NREP: variants seen among roughly 807,000 people sequenced by gnomAD.
NREP encodes neuronal regeneration-related protein.
In NREP, 5 loss-of-function variants were observed where a neutral mutation model predicts 8.6. The ratio of observed to expected loss-of-function variants is 0.58; its 90% CI spans 0.30 to 1.22. The LOEUF (loss-of-function observed/expected upper bound fraction) is 1.22. Among genes scored for constraint, NREP ranks in the 50% most tolerant of loss-of-function variants. NREP has a pLI of 0.07. For synonymous variants in NREP, 27 were observed against 28.0 expected, an observed-to-expected ratio of 0.96 and a Z score of 0.11; for missense variants, 86 against 82.5, an observed-to-expected ratio of 1.04 and a Z score of -0.17.
intron 2 of NREP, among the ~76,000 whole-genome samples, chr5:111,824,888 G>A (rs951994507): frequency 6.6e-6 from 1 of 152,178 alleles, no homozygotes; most frequent in Non-Finnish European, 1.5e-5. Context: ...AAGCAAAACA[G>A]GAGTAAGACA....
intron 1 of NREP, among the ~76,000 whole-genome samples, chr5:111,976,422 C>G (rs1488823168): frequency 1.3e-5 from 2 of 152,224 alleles, no homozygotes; most frequent in African/African-American, 4.8e-5. Flanking sequence ...ACCCCAAAAG[C>G]TGAGGCTCAG....
chr5:111,744,605 T>C (rs1225912859), intron 2 of NREP, among the ~76,000 whole-genome samples: 2 of 152,106 alleles, frequency 1.3e-5, no homozygotes, highest in East Asian at 3.9e-4. Flanking sequence ...TCAACCCCTC[T>C]GGGTGGAGCC....
intron 2 of NREP, among the ~76,000 whole-genome samples, chr5:111,773,129 G>T (rs1751275349): frequency 6.6e-6 from 1 of 151,934 alleles, no homozygotes; most frequent in African/African-American, 2.4e-5. Flanking sequence ...TCAATTCTCT[G>T]AGCCTTTTTT....
At chr5:111,826,895 T>C (rs1240237895) in intron 2 of NREP, among the ~76,000 whole-genome samples, 1 of 152,168 alleles carries the variant, frequency 6.6e-6, no homozygotes, top group South Asian at 2.1e-4. Flanking sequence ...GAAAGAGGGT[T>C]GGAATGGGTA....
At chr5:111,904,863 A>C (rs1754740240) in intron 2 of NREP, among the ~76,000 whole-genome samples, 1 of 152,110 alleles carries the variant, frequency 6.6e-6, no homozygotes, top group East Asian at 1.9e-4. Flanking sequence ...CAGACCCTTC[A>C]CGAGACAGTA....
chr5:111,918,296 G>A (rs1314883623), intron 2 of NREP, among the ~76,000 whole-genome samples: 4 of 152,096 alleles, frequency 2.6e-5, no homozygotes, highest in Non-Finnish European at 5.9e-5. Flanking sequence ...ATAATTTATA[G>A]ATTCAATGCT....
At chr5:111,747,409 T>C (rs911038907) in intron 2 of NREP, among the ~76,000 whole-genome samples, 1 of 152,202 alleles carries the variant, frequency 6.6e-6, no homozygotes, top group African/African-American at 2.4e-5. Flanking sequence ...TGTAGTACTT[T>C]TCCCTGCTGG....
intron 2 of NREP, among the ~76,000 whole-genome samples, chr5:111,747,693 A>C (rs1581069009): frequency 6.6e-6 from 1 of 152,116 alleles, no homozygotes; most frequent in East Asian, 1.9e-4. Context: ...TTTCAGTGAA[A>C]AGGGGCAGAC....
chr5:111,756,838 CAAG>C (rs1750744851), intron 1 of NREP, among the ~76,000 whole-genome samples: 3 of 152,156 alleles, frequency 2.0e-5, no homozygotes, highest in Admixed American at 6.5e-5. Context: ...GCTTTAGGAG[CAAG>C]AAGAACAAAA....
chr5:111,843,116 T>C (rs1026078048), intron 2 of NREP, among the ~76,000 whole-genome samples: 8 of 152,108 alleles, frequency 5.3e-5, no homozygotes, highest in Non-Finnish European at 1.2e-4. Flanking sequence ...TTCTGTTATT[T>C]CTTTAAAATG....
intron 2 of NREP, among the ~76,000 whole-genome samples, chr5:111,871,348 A>T (rs574266315): frequency 3.3e-5 from 5 of 152,210 alleles, no homozygotes; most frequent in Admixed American, 1.3e-4. Flanking sequence ...TAAAAGATTT[A>T]AAAAATTGTA....
At chr5:111,734,243 G>A (rs1468427779) in intron 3 of NREP, 1 of 153,400 alleles carries the variant, frequency 6.5e-6, no homozygotes, top group Non-Finnish European at 1.5e-5. Flanking sequence ...CTAATGTGAA[G>A]GCCTCAGCTG....
intron 2 of NREP, among the ~76,000 whole-genome samples, chr5:111,950,664 A>G (rs565212299): frequency 6.6e-6 from 1 of 151,908 alleles, no homozygotes; most frequent in Admixed American, 6.5e-5. Context: ...AAGGTCTAAT[A>G]TCCAGTATCT....
chr5:111,803,186 C>G (rs1198742340), intron 2 of NREP, among the ~76,000 whole-genome samples: 1 of 152,092 alleles, frequency 6.6e-6, no homozygotes, highest in African/African-American at 2.4e-5. Flanking sequence ...CAGGTAAAGT[C>G]TGCTAATAGG....
chr5:111,875,357 T>TA (rs538841024), intron 2 of NREP, among the ~76,000 whole-genome samples: 11 of 151,882 alleles, frequency 7.2e-5, no homozygotes, highest in Admixed American at 3.3e-4. Flanking sequence ...ATCAATTAAT[T>TA]AAAAAAAACT....
rs574828420 is a variant in NREP at position 111,946,116 on chromosome 5, T to C, written c.135+29158A>G. 4.7e-5 allele frequency among the ~76,000 whole-genome samples: 7 copies of C among 147,754 alleles called. 1 individual carries two copies. In the South Asian group the frequency reaches 1.5e-3, roughly 31 times the overall value. On this transcript the variant is annotated intron_variant, in intron 2 of 3. Transcript: ENST00000395634. ...CACACACACACATAAGAAAATAAATTTGAACGAGCTAGTGAGCAGGATAAT... is the reference window on the plus strand; with the variant it reads ...CACACACACACATAAGAAAATAAATCTGAACGAGCTAGTGAGCAGGATAAT...
chr5:111,858,798 A>G (rs1252792339), intron 2 of NREP, among the ~76,000 whole-genome samples: 1 of 152,194 alleles, frequency 6.6e-6, no homozygotes, highest in East Asian at 1.9e-4. Flanking sequence ...CCATTTTTAA[A>G]CAAGATTCCT....
chr5:111,820,720 T>C (rs1752497213), intron 2 of NREP, among the ~76,000 whole-genome samples: 1 of 152,190 alleles, frequency 6.6e-6, no homozygotes, highest in Non-Finnish European at 1.5e-5. Context: ...GCCTTTATGG[T>C]TTCATTGGAG....
intron 2 of NREP, among the ~76,000 whole-genome samples, chr5:111,866,769 G>C (rs1753674379): frequency 6.6e-6 from 1 of 152,022 alleles, no homozygotes; most frequent in South Asian, 2.1e-4. Context: ...TGATAGACTG[G>C]ATTAAGAAAA....
Sources: gnomAD v4.1 joint callset for allele counts (sites outside exome capture counted in the v4.1 genomes callset) on GRCh38, gnomAD v4.1.1 for gene constraint, MANE v1.5 for transcripts, NCBI Gene and HGNC (gene_info 2026-07-23, HGNC 2026-07-21) for gene names.